The following MARCHF1 variants were observed in gnomAD, a reference collection of about 807,000 sequenced individuals.
MARCHF1 encodes the protein E3 ubiquitin-protein ligase MARCHF1.
In MARCHF1, 40 loss-of-function variants were observed where a neutral mutation model predicts 54.2. That is an observed-to-expected ratio of 0.74 (90% CI 0.57 to 0.96). The LOEUF is 0.96. Ranked by LOEUF, MARCHF1 falls within the 40% of genes least tolerant of loss-of-function variation. MARCHF1 has a pLI of 0.00. For synonymous variants in MARCHF1, 236 were observed against 236.3 expected (o/e 1.00, Z 0.01); for missense variants, 586 against 656.5 (o/e 0.89, Z 1.17).
intron 3 of MARCHF1, among the ~76,000 whole-genome samples, chr4:163,892,865 T>C (rs1015996775): frequency 6.6e-6 from 1 of 152,072 alleles, no homozygotes; most frequent in African/African-American, 2.4e-5. Context: ...ATGGTTTTAT[T>C]GCTCATGGAA....
intron 1 of MARCHF1, among the ~76,000 whole-genome samples, chr4:164,201,997 C>T (rs1023667909): frequency 6.6e-6 from 1 of 152,144 alleles, no homozygotes; most frequent in African/African-American, 2.4e-5. Context: ...CATTCACAGC[C>T]AGAAACTATG....
chr4:164,113,913 T>TA (rs71600674), intron 1 of MARCHF1, among the ~76,000 whole-genome samples: 131,579 of 151,792 alleles, frequency 0.87, 57,790 homozygotes, highest in South Asian at 0.97. Flanking sequence ...AATTTTTATA[T>TA]AAAACGATAA....
At chr4:164,368,180 T>C (rs1376860645) in intron 1 of MARCHF1, among the ~76,000 whole-genome samples, 2 of 136,930 alleles carry the variant, frequency 1.5e-5, no homozygotes, top group Non-Finnish European at 3.2e-5. Context: ...GTTTAAAAAA[T>C]AGCCAAATCC....
At chr4:163,715,578 G>T (rs1398790425) in intron 4 of MARCHF1, among the ~76,000 whole-genome samples, 3 of 152,052 alleles carry the variant, frequency 2.0e-5, no homozygotes, top group Non-Finnish European at 4.4e-5. Flanking sequence ...GTGTTTCTAA[G>T]ATTTCTACCA....
intron 1 of MARCHF1, chr4:164,189,731 A>G: frequency 5.2e-6 from 6 of 1,162,902 alleles, no homozygotes; most frequent in Non-Finnish European, 7.8e-6. Flanking sequence ...TCTTTTCTAT[A>G]GCTTCTGATA....
chr4:163,943,291 G>T (rs1432364143), intron 3 of MARCHF1, among the ~76,000 whole-genome samples: 2 of 152,104 alleles, frequency 1.3e-5, no homozygotes, highest in Non-Finnish European at 2.9e-5. Context: ...GTACAGCCTA[G>T]GTTGTCTTCC....
At chr4:163,905,823 A>G (rs747310238) in intron 3 of MARCHF1, among the ~76,000 whole-genome samples, 19 of 152,004 alleles carry the variant, frequency 1.2e-4, no homozygotes, top group Non-Finnish European at 2.8e-4. Context: ...GAACAACCTG[A>G]TAATAATATG....
chr4:163,811,663 C>T (rs1317249303), intron 4 of MARCHF1, among the ~76,000 whole-genome samples: 1 of 152,090 alleles, frequency 6.6e-6, no homozygotes, highest in Non-Finnish European at 1.5e-5. Flanking sequence ...TAAAATAAAG[C>T]TTACACAATT....
chr4:163,554,509 C>T (rs1739220736), intron 8 of MARCHF1, among the ~76,000 whole-genome samples: 1 of 152,136 alleles, frequency 6.6e-6, no homozygotes, highest in Non-Finnish European at 1.5e-5. Context: ...CTAGAAGCCA[C>T]ATGGTCAGAG....
rs60941038 is a variant in MARCHF1, at chr4:164,179,785, T to C, written c.-322-68123A>G. Among the ~76,000 whole-genome samples, 697 of 151,864 alleles carry C rather than the reference T, an allele frequency of 4.6e-3. 5 individuals are homozygous for C. The highest frequency in any genetic ancestry group is 0.015 in the African/African-American group (641 of 41,418). ...TATCTCTTTTTTAAAAAAGAAAATT[T>C]TGATTTGCATAAAAACAATTAGATG... On this transcript the variant is annotated intron_variant, in intron 1 of 9. Transcript: ENST00000514618.
intron 3 of MARCHF1, among the ~76,000 whole-genome samples, chr4:163,972,881 A>G (rs908625786): frequency 6.6e-6 from 1 of 152,136 alleles, no homozygotes; most frequent in Non-Finnish European, 1.5e-5. Flanking sequence ...TAAAAGCTCT[A>G]TTAGTTATAG....
intron 4 of MARCHF1, among the ~76,000 whole-genome samples, chr4:163,837,115 T>C (rs1175551326): frequency 6.6e-6 from 1 of 152,156 alleles, no homozygotes; most frequent in Non-Finnish European, 1.5e-5. Context: ...TTTTGGTGGA[T>C]TCAGAATCAA....
chr4:163,759,503 T>C (rs942320883), intron 4 of MARCHF1, among the ~76,000 whole-genome samples: 1 of 152,190 alleles, frequency 6.6e-6, no homozygotes, highest in Non-Finnish European at 1.5e-5. Context: ...AAGAAAATGA[T>C]TTCTTGATAA....
chr4:164,223,899 A>T (rs1348093389), intron 1 of MARCHF1, among the ~76,000 whole-genome samples: 2 of 150,318 alleles, frequency 1.3e-5, no homozygotes, highest in African/African-American at 4.9e-5. Context: ...TATTTAAATT[A>T]ATTTGTGCAA....
intron 3 of MARCHF1, among the ~76,000 whole-genome samples, chr4:163,860,888 T>C (rs547065478): frequency 1.2e-4 from 19 of 152,254 alleles, no homozygotes; most frequent in Admixed American, 9.8e-4. Context: ...TTCTACTGCC[T>C]GATGTATCAT....
chr4:164,191,432 T>C (rs1419946102), intron 1 of MARCHF1, among the ~76,000 whole-genome samples: 1 of 152,234 alleles, frequency 6.6e-6, no homozygotes, highest in Non-Finnish European at 1.5e-5. Flanking sequence ...CAAAGAAATG[T>C]TGCCAATAAC....
At chr4:164,053,597 C>A (rs1754420464) in intron 2 of MARCHF1, among the ~76,000 whole-genome samples, 1 of 152,086 alleles carries the variant, frequency 6.6e-6, no homozygotes, top group Admixed American at 6.6e-5. Flanking sequence ...CTATTTCAGC[C>A]CATAAAAAAA....
chr4:163,620,274 G>A (rs1237028448), intron 5 of MARCHF1, among the ~76,000 whole-genome samples: 2 of 142,770 alleles, frequency 1.4e-5, no homozygotes, highest in African/African-American at 2.6e-5. Flanking sequence ...CAGTGTAGCC[G>A]AGGTGGGGAA....
At chr4:164,250,233 A>G (rs1002809327) in intron 1 of MARCHF1, among the ~76,000 whole-genome samples, 1 of 152,116 alleles carries the variant, frequency 6.6e-6, no homozygotes, top group African/African-American at 2.4e-5. Flanking sequence ...TAGAATGTCA[A>G]TGGAGAGAAT....
Sources: gnomAD v4.1 joint callset for allele counts (sites outside exome capture counted in the v4.1 genomes callset) on GRCh38, gnomAD v4.1.1 for gene constraint, MANE v1.5 for transcripts, NCBI Gene and HGNC (gene_info 2026-07-23, HGNC 2026-07-21) for gene names.